The following SEC23B variants were observed in gnomAD, a reference collection of about 807,000 sequenced individuals.
The protein encoded by SEC23B is protein transport protein Sec23B.
SEC23B carries 77 observed loss-of-function variants against 104.3 expected under a neutral mutation model. The observed-to-expected ratio is 0.74, with a 90% CI of 0.61 to 0.89. SEC23B has a LOEUF of 0.89. Ranked by LOEUF, SEC23B falls within the 40% of genes least tolerant of loss-of-function variation. The pLI, the probability that SEC23B is intolerant of heterozygous loss-of-function variation, is 0.00. For missense variants in SEC23B, 885 were observed against 949.4 expected, an observed-to-expected ratio of 0.93 and a Z score of 0.89; for synonymous variants, 338 against 332.5, an observed-to-expected ratio of 1.02 and a Z score of -0.18.
rs948477257 is a variant in SEC23B at position 18,544,792 on chromosome 20, A to C, written c.1666-1164A>C. ...GGCTCAATGGCACTGAGACCAGCAT[A>C]GTGGCAGGAGAGATGGAGGAAGCAG... On this transcript the variant is annotated intron_variant, in intron 14 of 19. Transcript: ENST00000650089. Among the ~76,000 whole-genome samples, 3 of 152,338 alleles carry C rather than the reference A, an allele frequency of 2.0e-5. No individual in the cohort carries two copies. In the East Asian group the frequency reaches 5.8e-4, roughly 29 times the overall value.
intron 17 of SEC23B, among the ~76,000 whole-genome samples, chr20:18,552,377 C>T (rs573723246): frequency 3.3e-5 from 5 of 152,252 alleles, no homozygotes; most frequent in East Asian, 3.9e-4. Context: ...GACTGAGAGC[C>T]GGATGACCAG....
At chr20:18,540,568 C>T (rs562390748) in intron 12 of SEC23B, among the ~76,000 whole-genome samples, 40 of 152,178 alleles carry the variant, frequency 2.6e-4, no homozygotes, top group African/African-American at 7.9e-4. Context: ...CTTAAAGTCA[C>T]CAGATGCCCA....
rs144787919 is a variant in SEC23B at position 18,519,543 on chromosome 20, C to T, written c.366+3807C>T. 2.4e-3 allele frequency among the ~76,000 whole-genome samples: 372 copies of T among 152,220 alleles called. 6 individuals are homozygous for T. The highest frequency in any genetic ancestry group is 0.02 in the Admixed American group (301 of 15,282). Reference sequence around the variant, plus strand: ...GTTTGGACAAAAAGGCTACAGTGCGCGGTCCCGTTCCTTGTGTAAGAATTC... The same window carrying T: ...GTTTGGACAAAAAGGCTACAGTGCGTGGTCCCGTTCCTTGTGTAAGAATTC... On this transcript the variant is annotated intron_variant, in intron 4 of 19. Transcript: ENST00000650089.
intron 16 of SEC23B, among the ~76,000 whole-genome samples, chr20:18,549,976 A>G (rs2060371105): frequency 6.6e-6 from 1 of 150,622 alleles, no homozygotes; most frequent in Non-Finnish European, 1.5e-5. Flanking sequence ...TCCCTCTCAA[A>G]AAATAAAAAT....
intron 17 of SEC23B, among the ~76,000 whole-genome samples, chr20:18,551,899 T>C (rs1221570168): frequency 6.6e-6 from 1 of 152,172 alleles, no homozygotes; most frequent in Non-Finnish European, 1.5e-5. Context: ...AGTTAGTGTT[T>C]AGAGCTAAGG....
chr20:18,555,590 C>A (rs573560701), intron 19 of SEC23B, among the ~76,000 whole-genome samples: 270 of 152,238 alleles, frequency 1.8e-3, no homozygotes, highest in African/African-American at 6.3e-3. Context: ...CGCCTGATTA[C>A]TACTTTATCT....
intron 19 of SEC23B, among the ~76,000 whole-genome samples, chr20:18,559,001 A>G (rs986580547): frequency 7.1e-6 from 1 of 141,844 alleles, no homozygotes; most frequent in Non-Finnish European, 1.5e-5. Flanking sequence ...GAGTGTTTGT[A>G]TGAGACCCTG....
chr20:18,524,452 TG>T lies in SEC23B; in HGVS notation c.387del (p.Ile130SerfsTer26), dbSNP rs747046425. 1.2e-6 allele frequency: 2 copies of T among 1,614,084 alleles called. No homozygotes were observed. The highest frequency in any genetic ancestry group is 1.7e-6 in the Non-Finnish European group (2 of 1,179,892). On this transcript the variant is annotated frameshift_variant, in exon 5 of 20. Coordinates refer to ENST00000650089, the MANE Select transcript of SEC23B (RefSeq NM_006363.6). LOFTEE classifies it high-confidence loss of function. The part of the protein sequence containing the change: ...YVIQRGAQSP[L>X]IFLYVVDTCL... ...CCAAAGCGAGGTGCTCAGTCCCCTC[TG>T]ATCTTTCTCTATGTGGTTGACACAT...
chr20:18,557,546 C>T (rs2060450960), intron 19 of SEC23B, among the ~76,000 whole-genome samples: 7 of 152,064 alleles, frequency 4.6e-5, no homozygotes, highest in Admixed American at 3.9e-4. Flanking sequence ...TCTCCTCCAT[C>T]GGTAATATAA....
In SEC23B at chr20:18,546,047, G is replaced by A. The variant is rs1568619868; in HGVS notation, c.1743+14G>A. On this transcript the variant is annotated intron_variant, in intron 15 of 19. Transcript: ENST00000650089. ...CTATATCCTCAGGTAAGTAATGTATGTTTCTAAAATAACTACAGAGCAATA... is the reference window on the plus strand; with the variant it reads ...CTATATCCTCAGGTAAGTAATGTATATTTCTAAAATAACTACAGAGCAATA... The A allele has an allele frequency of 1.5e-6, 2 of 1,338,210 alleles. No homozygotes were observed. The highest frequency in any genetic ancestry group is 1.7e-5 in the Admixed American group (1 of 59,576). 82.9% of individuals were successfully genotyped at this position (1,338,210 alleles called of 1,614,324 possible).
intron 12 of SEC23B, among the ~76,000 whole-genome samples, chr20:18,538,038 G>C (rs2060252381): frequency 6.6e-6 from 1 of 151,980 alleles, no homozygotes; most frequent in Admixed American, 6.6e-5. Flanking sequence ...CCACCTCACA[G>C]GTTCAAGCCA....
At chr20:18,511,210 A>G (rs982323156) in intron 2 of SEC23B, among the ~76,000 whole-genome samples, 154 bp downstream of exon 2, 1 of 152,194 alleles carries the variant, frequency 6.6e-6, no homozygotes, top group Non-Finnish European at 1.5e-5. Context: ...GGTGAGTAGT[A>G]AGTGGTGAAT....
chr20:18,526,554 T>C, intron 8 of SEC23B, 23 bp downstream of exon 8: 1 of 1,613,762 alleles, frequency 6.2e-7, no homozygotes, highest in Non-Finnish European at 8.5e-7. Flanking sequence ...GGGTATGGGC[T>C]GTAATTCTGA....
intron 12 of SEC23B, among the ~76,000 whole-genome samples, chr20:18,537,296 TTTATTGTGG>T (rs2060240892): frequency 6.6e-6 from 1 of 152,062 alleles, no homozygotes; most frequent in Non-Finnish European, 1.5e-5. Flanking sequence ...CACACGTATG[TTTATTGTGG>T]CTCTATTCAC....
intron 2 of SEC23B, among the ~76,000 whole-genome samples, chr20:18,511,505 ATTT>A (rs11475595): frequency 1.4e-3 from 213 of 147,628 alleles, no homozygotes; most frequent in Non-Finnish European, 2.8e-3. Context: ...GTTAAGTGTA[ATTT>A]TTTTTTTTTT....
chr20:18,532,403 G>A (rs1251034949), intron 10 of SEC23B, among the ~76,000 whole-genome samples: 2 of 152,210 alleles, frequency 1.3e-5, no homozygotes, highest in East Asian at 3.8e-4. Context: ...TACATGTACA[G>A]TAATTTCCAA....
rs141374851 is a variant in SEC23B, at chr20:18,511,230, A to C, written c.221+174A>C. Among the ~76,000 whole-genome samples, 557 of 152,322 alleles carry C rather than the reference A, an allele frequency of 3.7e-3. 1 individual carries two copies. Among genetic ancestry groups the C allele is most frequent in the African/African-American group, 0.012 (515 of 41,554 alleles). ...GTAGTAAGTGGTGAATATTTGTAGA[A>C]ATCTCCCTGGCCTGATAATTCCAGA... On this transcript the variant is annotated intron_variant, in intron 2 of 19. Transcript: ENST00000650089.
intron 12 of SEC23B, among the ~76,000 whole-genome samples, chr20:18,536,091 C>T (rs1051544847): frequency 4.6e-5 from 7 of 152,056 alleles, no homozygotes; most frequent in South Asian, 4.1e-4. Flanking sequence ...AAGAATTGTA[C>T]GGTGAACACG....
intron 10 of SEC23B, among the ~76,000 whole-genome samples, chr20:18,531,678 A>G (rs376658876): frequency 1.1e-3 from 155 of 146,430 alleles, no homozygotes; most frequent in African/African-American, 3.6e-3. Context: ...AAAAGACAGC[A>G]TTTTGAGATT....
Sources: allele counts gnomAD v4.1 joint callset (sites outside exome capture counted in the v4.1 genomes callset), GRCh38; gene constraint gnomAD v4.1.1; transcripts MANE v1.5; gene names NCBI Gene and HGNC (gene_info 2026-07-23, HGNC 2026-07-21).